Variants in COL19A1 observed in about 807,000 individuals in gnomAD.
COL19A1 encodes collagen type XIX alpha 1 chain.
A neutral mutation model predicts 190.2 loss-of-function variants in COL19A1; 159 were observed. That is an observed-to-expected ratio of 0.84 (90% CI 0.73 to 0.95). The LOEUF (loss-of-function observed/expected upper bound fraction) is 0.95. COL19A1 is among the 40% of genes least tolerant of loss of function. COL19A1 has a pLI of 0.00. For synonymous variants in COL19A1, 509 were observed against 458.9 expected (o/e 1.11, Z -1.39); for missense variants, 1,418 against 1,431.9 (o/e 0.99, Z 0.16).
chr6:70,156,479 T>G (rs569985216), intron 33 of COL19A1, 110 bp downstream of exon 33: 5 of 933,642 alleles, frequency 5.4e-6, no homozygotes, highest in Non-Finnish European at 8.1e-6. Flanking sequence ...TATATATATA[T>G]GTATGTATGT....
chr6:70,039,739 T>C (rs1237340824), intron 14 of COL19A1, among the ~76,000 whole-genome samples: 1 of 151,670 alleles, frequency 6.6e-6, no homozygotes, highest in Non-Finnish European at 1.5e-5. Flanking sequence ...CAATCCTTTA[T>C]GATGTTTTTG....
At chr6:70,183,626 A>G (rs561447279) in intron 44 of COL19A1, among the ~76,000 whole-genome samples, 1 of 152,250 alleles carries the variant, frequency 6.6e-6, no homozygotes, top group South Asian at 2.1e-4. Context: ...TGAACCATAC[A>G]CTTCAGGTAA....
At chr6:70,181,680 C>G (rs960360637) in intron 44 of COL19A1, among the ~76,000 whole-genome samples, 4 of 151,340 alleles carry the variant, frequency 2.6e-5, no homozygotes, top group African/African-American at 7.3e-5. Flanking sequence ...CACACACACA[C>G]AGAGTTTCAA....
intron 11 of COL19A1, among the ~76,000 whole-genome samples, chr6:69,975,838 T>C (rs1775683906): frequency 1.3e-5 from 2 of 152,138 alleles, no homozygotes; most frequent in South Asian, 4.1e-4. Context: ...CTAATAGAAA[T>C]GAAGGTAGAA....
chr6:70,058,995 TTTATTCCTG>T (rs1780666333), intron 14 of COL19A1, among the ~76,000 whole-genome samples: 1 of 152,070 alleles, frequency 6.6e-6, no homozygotes, highest in Admixed American at 6.6e-5. Flanking sequence ...AACTTAAAAC[TTTATTCCTG>T]TTATTCCCAT....
intron 11 of COL19A1, among the ~76,000 whole-genome samples, chr6:70,017,627 CAT>C (rs1778190545): frequency 6.6e-6 from 1 of 152,028 alleles, no homozygotes; most frequent in South Asian, 2.1e-4. Context: ...AAAGGGAAAA[CAT>C]AAGAAGCTGG....
At chr6:70,088,856 C>T (rs942042687) in intron 15 of COL19A1, among the ~76,000 whole-genome samples, 1 of 152,108 alleles carries the variant, frequency 6.6e-6, no homozygotes, top group African/African-American at 2.4e-5. Flanking sequence ...TTTTCCCATT[C>T]ATTTGTGTTC....
intron 16 of COL19A1, among the ~76,000 whole-genome samples, chr6:70,108,617 C>T (rs1245964089): frequency 2.6e-5 from 4 of 152,094 alleles, no homozygotes; most frequent in Non-Finnish European, 5.9e-5. Flanking sequence ...AATATAAGTG[C>T]TATTTCATCA....
intron 4 of COL19A1, among the ~76,000 whole-genome samples, chr6:69,916,502 C>A (rs1458895593): frequency 6.6e-6 from 1 of 152,038 alleles, no homozygotes; most frequent in Non-Finnish European, 1.5e-5. Flanking sequence ...ATTTTGAAGT[C>A]ATAACTGTGT....
chr6:69,894,213 T>TGC (rs1305753563), intron 2 of COL19A1, among the ~76,000 whole-genome samples: 1 of 152,222 alleles, frequency 6.6e-6, no homozygotes, highest in African/African-American at 2.4e-5. Context: ...TTCAATTATG[T>TGC]GTTATAATAG....
chr6:70,115,831 T>G (rs1181876708), intron 16 of COL19A1, among the ~76,000 whole-genome samples: 2 of 140,904 alleles, frequency 1.4e-5, no homozygotes, highest in Non-Finnish European at 1.6e-5. Context: ...TTTTGTTTTT[T>G]TTTTTTTTTT....
intron 11 of COL19A1, among the ~76,000 whole-genome samples, chr6:69,970,102 T>A (rs1053897282): frequency 1.3e-5 from 2 of 152,108 alleles, no homozygotes; most frequent in Non-Finnish European, 2.9e-5. Context: ...CACGGACACA[T>A]TGCCTAGGGT....
chr6:69,947,439 T>G (rs895862906), intron 9 of COL19A1, among the ~76,000 whole-genome samples: 2 of 151,886 alleles, frequency 1.3e-5, no homozygotes, highest in African/African-American at 4.8e-5. Flanking sequence ...TTTAAAAAAT[T>G]GTTGTATTTG....
At chr6:69,932,675 ATTT>A in intron 6 of COL19A1, 105 bp from the exon 7 acceptor site, 1 of 617,336 alleles carries the variant, frequency 1.6e-6, no homozygotes, top group Non-Finnish European at 2.8e-6. Context: ...CCAGTAATTT[ATTT>A]ATATTAGCTT....
At chr6:69,940,393 G>A (rs1208964269) in intron 9 of COL19A1, among the ~76,000 whole-genome samples, 5 of 152,138 alleles carry the variant, frequency 3.3e-5, no homozygotes, top group East Asian at 1.9e-4. Context: ...TGCTCTCACC[G>A]AGTTTACAAT....
intron 2 of COL19A1, among the ~76,000 whole-genome samples, chr6:69,885,286 T>C (rs1043919961): frequency 6.6e-6 from 1 of 152,232 alleles, no homozygotes; most frequent in African/African-American, 2.4e-5. Flanking sequence ...TAAAAACATT[T>C]GCCTTTGCTT....
intron 16 of COL19A1, among the ~76,000 whole-genome samples, chr6:70,119,481 A>C (rs1784760016): frequency 6.6e-6 from 1 of 152,206 alleles, no homozygotes; most frequent in African/African-American, 2.4e-5. Flanking sequence ...AGAACATAGA[A>C]GAGTGATCAC....
At chr6:70,114,219 C>G (rs1784437192) in intron 16 of COL19A1, among the ~76,000 whole-genome samples, 1 of 152,128 alleles carries the variant, frequency 6.6e-6, no homozygotes, top group African/African-American at 2.4e-5. Context: ...TTGTATACCT[C>G]ATTAATCCTG....
At chr6:70,190,937 G>A (rs1490288821) in intron 48 of COL19A1, among the ~76,000 whole-genome samples, 5 of 152,024 alleles carry the variant, frequency 3.3e-5, no homozygotes, top group East Asian at 1.9e-4. Flanking sequence ...ATTTTTAAAC[G>A]GTTTTTAAAA....
Sources: allele counts gnomAD v4.1 joint callset (sites outside exome capture counted in the v4.1 genomes callset), GRCh38; gene constraint gnomAD v4.1.1; transcripts MANE v1.5; gene names NCBI Gene and HGNC (gene_info 2026-07-23, HGNC 2026-07-21).